Variants in SLC17A5 observed in about 807,000 individuals in gnomAD.
The protein encoded by SLC17A5 is solute carrier family 17 member 5, also known as sialin.
SLC17A5 carries 47 observed loss-of-function variants against 59.4 expected under a neutral mutation model. The ratio of observed to expected loss-of-function variants is 0.79; its 90% CI spans 0.63 to 1.01. The LOEUF (loss-of-function observed/expected upper bound fraction) is 1.01, where lower values mean the gene tolerates loss of function less well. Ranked by LOEUF, SLC17A5 falls within the 50% of genes least tolerant of loss-of-function variation. The pLI, the probability that SLC17A5 is intolerant of heterozygous loss-of-function variation, is 0.00. For missense variants in SLC17A5, 522 were observed against 595.5 expected (o/e 0.88, Z 1.28); for synonymous variants, 202 against 210.7 (o/e 0.96, Z 0.36).
intron 1 of SLC17A5, chr6:73,653,197 T>C: frequency 1.0e-6 from 1 of 985,458 alleles, no homozygotes; most frequent in Non-Finnish European, 1.2e-6. Context: ...ATACAATAGT[T>C]GCCCTCTGCA....
intron 9 of SLC17A5, among the ~76,000 whole-genome samples, chr6:73,604,134 CT>C (rs892882001): frequency 4.8e-4 from 70 of 146,352 alleles, no homozygotes; most frequent in Admixed American, 4.1e-4. Flanking sequence ...CAGAGCCTCT[CT>C]TTTTTTTTTT....
chr6:73,641,871 A>C lies in SLC17A5; in HGVS notation c.345T>G (p.Phe115Leu). The C allele has an allele frequency of 6.2e-7, 1 of 1,614,236 alleles. No homozygotes were observed. The highest frequency in any genetic ancestry group is 8.5e-7 in the Non-Finnish European group (1 of 1,180,038). Residue 115 changes from phenylalanine to leucine, a missense_variant, in exon 3 of 11, where the codon TTT (phenylalanine) becomes TTG (leucine). Transcript: ENST00000355773. ...TCTGTGTGATGATGTAGCCATAAAA[A>C]AAGGAACCGAGAATCCATCCTTGAG... is the stretch of plus-strand genomic sequence containing the variant. ...AETQGWILGS[F>L]FYGYIITQIP...
At chr6:73,602,435 T>TA (rs1190445365) in intron 9 of SLC17A5, among the ~76,000 whole-genome samples, 123 of 131,316 alleles carry the variant, frequency 9.4e-4, no homozygotes, top group South Asian at 4.1e-3. Flanking sequence ...GAATGATCAA[T>TA]AAAAAAAATA....
chr6:73,647,118 C>T (rs973933007), intron 1 of SLC17A5, among the ~76,000 whole-genome samples: 1 of 152,182 alleles, frequency 6.6e-6, no homozygotes, highest in Non-Finnish European at 1.5e-5. Context: ...GATTTATGTA[C>T]TATGTCTGTT....
At chr6:73,637,516 C>A (rs1381673898) in intron 4 of SLC17A5, among the ~76,000 whole-genome samples, 1 of 152,198 alleles carries the variant, frequency 6.6e-6, no homozygotes, top group African/African-American at 2.4e-5. Context: ...AAACAATCTA[C>A]ATTTTTTCCT....
At chr6:73,607,055 A>G (rs1767423105) in intron 9 of SLC17A5, among the ~76,000 whole-genome samples, 1 of 152,192 alleles carries the variant, frequency 6.6e-6, no homozygotes, top group South Asian at 2.1e-4. Flanking sequence ...CATCACTTTA[A>G]TATTTTACTT....
chr6:73,651,989 T>C (rs900193555), intron 1 of SLC17A5, among the ~76,000 whole-genome samples: 1 of 42,584 alleles, frequency 2.3e-5, no homozygotes, highest in African/African-American at 4.3e-5. Context: ...TGGCCATGAA[T>C]TGATAACTTT....
intron 8 of SLC17A5, 133 bp downstream of exon 8, chr6:73,615,182 G>A: frequency 1.0e-6 from 1 of 1,003,574 alleles, no homozygotes. Context: ...GGTGATTAGA[G>A]CGAGGTGTTC....
At chr6:73,644,231 T>C (rs1769432401) in intron 2 of SLC17A5, among the ~76,000 whole-genome samples, 176 bp downstream of exon 2, 1 of 152,210 alleles carries the variant, frequency 6.6e-6, no homozygotes, top group African/African-American at 2.4e-5. Context: ...ATAGCAGTAG[T>C]AGCTATAGTT....
rs886061727 is a variant in SLC17A5 at position 73,593,627 on chromosome 6, C to T, written c.*1450G>A. 1 of 152,074 alleles carries T rather than the reference C, an allele frequency of 6.6e-6. No individual in the cohort carries two copies. Among genetic ancestry groups the T allele is most frequent in the African/African-American group, 2.4e-5 (1 of 41,398 alleles). The allele number at this position is 152,074 out of a possible 1,614,324, so 9.4% of individuals were successfully genotyped here. On this transcript the variant is annotated 3_prime_UTR_variant, in exon 11 of 11. Coordinates refer to ENST00000355773, the MANE Select transcript of SLC17A5 (RefSeq NM_012434.5). ...CACTGGAAAAATATGATTTCAGGAA[C>T]CAGAAGTAAAGATGATTACCCTAGT... is the stretch of plus-strand genomic sequence containing the variant.
intron 10 of SLC17A5, among the ~76,000 whole-genome samples, chr6:73,596,749 G>A (rs527452363): frequency 3.3e-5 from 5 of 152,220 alleles, no homozygotes; most frequent in South Asian, 4.1e-4. Context: ...CCAGCTACTC[G>A]GGAGGCTGAG....
chr6:73,604,442 T>G (rs917859012), intron 9 of SLC17A5, among the ~76,000 whole-genome samples: 23 of 152,128 alleles, frequency 1.5e-4, no homozygotes, highest in Non-Finnish European at 1.5e-5. Flanking sequence ...AAAATTACCA[T>G]AGAAAAATCT....
At position 73,610,402 on chromosome 6, in the gene SLC17A5, A is replaced by G. The variant is rs756051046; in HGVS notation, c.1257T>C (p.Pro419=). 1 of 1,614,026 alleles carries G rather than the reference A, an allele frequency of 6.2e-7. No homozygotes were observed. Among genetic ancestry groups the G allele is most frequent in the Non-Finnish European group, 8.5e-7 (1 of 1,179,928 alleles). The change falls in exon 9 of 11, where the codon CCT becomes CCC. Residue 419 remains proline (P), a splice_region_variant and synonymous_variant. Coordinates refer to ENST00000355773, the MANE Select transcript of SLC17A5 (RefSeq NM_012434.5). ...GFSINHLDIA[P]SYAGILLGIT... is the part of the protein sequence containing the mutation. ...CAAATCTTTATATTAGTACTCACGA[A>G]GGAGCAATATCCAGATGGTTGATGC...
In SLC17A5 at chr6:73,595,116, T is replaced by C. The variant is rs1328771145; in HGVS notation, c.1449A>G (p.Gln483=). Residue 483 remains glutamine, a synonymous_variant, in exon 11 of 11, where the codon CAA becomes CAG. Transcript: ENST00000355773. ...CATGGTGATCATTGAGAGCCCAGTT[T>C]TGTACTTCACCTTTGGCGAATAGTG... is the stretch of plus-strand genomic sequence containing the variant. ...FFTLFAKGEV[Q]NWALNDHHGH... is the part of the protein sequence containing the mutation. 6.2e-7 allele frequency: 1 copy of C among 1,614,008 alleles called. No homozygotes were observed. The highest frequency in any genetic ancestry group is 8.5e-7 in the Non-Finnish European group (1 of 1,180,024).
intron 6 of SLC17A5, among the ~76,000 whole-genome samples, chr6:73,623,664 T>A (rs1383821290): frequency 1.8e-3 from 33 of 18,616 alleles, no homozygotes; most frequent in Admixed American, 8.0e-3. Context: ...TCTTTTATTT[T>A]TATTTATTTA....
chr6:73,653,422 A>AG, intron 1 of SLC17A5: 2 of 985,346 alleles, frequency 2.0e-6, no homozygotes, highest in Non-Finnish European at 2.4e-6. Context: ...ATTCTCTCCC[A>AG]GTTCGTTCTT....
chr6:73,622,929 T>A (rs530807329), intron 6 of SLC17A5, among the ~76,000 whole-genome samples: 2 of 152,094 alleles, frequency 1.3e-5, no homozygotes, highest in Non-Finnish European at 2.9e-5. Context: ...GGCCCTGGAG[T>A]ATGTCAGGTG....
At chr6:73,628,796 C>A (rs917960367) in intron 6 of SLC17A5, among the ~76,000 whole-genome samples, 1 of 151,846 alleles carries the variant, frequency 6.6e-6, no homozygotes, top group African/African-American at 2.4e-5. Flanking sequence ...TAAGTTGAAA[C>A]AGAAAAGGAC....
intron 10 of SLC17A5, 28 bp from the exon 11 acceptor site, chr6:73,595,242 G>T: frequency 6.2e-7 from 1 of 1,613,134 alleles, no homozygotes; most frequent in South Asian, 1.1e-5. Context: ...AAATGCAAGT[G>T]AAATAAAATT....
Sources: allele counts gnomAD v4.1 joint callset (sites outside exome capture counted in the v4.1 genomes callset), GRCh38; gene constraint gnomAD v4.1.1; transcripts MANE v1.5; gene names NCBI Gene and HGNC (gene_info 2026-07-23, HGNC 2026-07-21).